The following PIK3R3 variants were observed in gnomAD, a reference collection of about 807,000 sequenced individuals.
PIK3R3 encodes phosphoinositide-3-kinase regulatory subunit 3.
A neutral mutation model predicts 62.9 loss-of-function variants in PIK3R3; 64 were observed. The observed-to-expected ratio is 1.02, with a 90% confidence interval of 0.83 to 1.25. The LOEUF is 1.25. Among genes scored for constraint, PIK3R3 ranks in the 50% most tolerant of loss-of-function variants. PIK3R3 has a pLI of 0.00. For missense variants in PIK3R3, 614 were observed against 561.6 expected, an observed-to-expected ratio of 1.09 and a Z score of -0.94; for synonymous variants, 165 against 189.0, an observed-to-expected ratio of 0.87 and a Z score of 1.04.
chr1:46,107,122 A>G lies in PIK3R3; in HGVS notation c.106+24725T>C, dbSNP rs142435753. Among the ~76,000 whole-genome samples, 518 of 152,232 alleles carry G rather than the reference A, an allele frequency of 3.4e-3. 3 individuals carry two copies. The highest frequency in any genetic ancestry group is 0.012 in the African/African-American group (481 of 41,570). On this transcript the variant is annotated intron_variant, in intron 1 of 9. Coordinates refer to ENST00000262741, the MANE Select transcript of PIK3R3 (RefSeq NM_003629.4). ...TGTAATCTCAACACTTTGGGAGGCC[A>G]AGGCGAGTGGATCACTTGAGGTCAG...
At chr1:46,049,134 C>G (rs1460216824) in intron 7 of PIK3R3, among the ~76,000 whole-genome samples, 1 of 150,512 alleles carries the variant, frequency 6.6e-6, no homozygotes, top group Non-Finnish European at 1.5e-5. Flanking sequence ...GGTCTTGGAC[C>G]CATCTCTCTT....
At chr1:46,158,610 A>G in the PIK3R3 span, among the ~76,000 whole-genome samples, 2 of 152,258 alleles carry the variant, frequency 1.3e-5, no homozygotes, top group African/African-American at 4.8e-5. Context: ...AGAAAGTCCT[A>G]CAACCTAGTG....
At chr1:46,050,979 G>T (rs1647293860) in intron 7 of PIK3R3, among the ~76,000 whole-genome samples, 1 of 152,172 alleles carries the variant, frequency 6.6e-6, no homozygotes, top group African/African-American at 2.4e-5. Context: ...TCATTCATAT[G>T]AAATGTCCAG....
intron 7 of PIK3R3, among the ~76,000 whole-genome samples, chr1:46,051,381 C>A (rs898734751): frequency 6.6e-6 from 1 of 152,122 alleles, no homozygotes; most frequent in Non-Finnish European, 1.5e-5. Flanking sequence ...CTGCCTCAGG[C>A]TTCCCACTAG....
chr1:46,132,549 C>G lies in PIK3R3; in HGVS notation c.-597G>C. 1 of 1,271,802 alleles carries G rather than the reference C, an allele frequency of 7.9e-7. No individual in the cohort carries two copies. Among genetic ancestry groups the G allele is most frequent in the African/African-American group, 1.5e-5 (1 of 65,564 alleles). The allele number at this position is 1,271,802 out of a possible 1,614,324, so 78.8% of individuals were successfully genotyped here. A position where few individuals can be genotyped will look rare whatever the true frequency, so the allele number is the denominator to read the frequency against. On this transcript the variant is annotated 5_prime_UTR_variant, in exon 1 of 10. Transcript: ENST00000262741. ...GGGAATGGGGCCGGCCGGAGAAGTC[C>G]AGTCAGCTCGGCTTGTCTGGGCGCT...
At chr1:46,143,986 C>CTT in the PIK3R3 span, among the ~76,000 whole-genome samples, 1 of 152,186 alleles carries the variant, frequency 6.6e-6, no homozygotes, top group Non-Finnish European at 1.5e-5. Flanking sequence ...GTAGTGGATA[C>CTT]TTTTTAGTAC....
intron 1 of PIK3R3, among the ~76,000 whole-genome samples, chr1:46,108,978 T>G (rs1469802884): frequency 6.6e-6 from 1 of 152,126 alleles, no homozygotes; most frequent in African/African-American, 2.4e-5. Context: ...GCTAACACGG[T>G]GAAACCGTGT....
At chr1:46,115,873 A>G (rs1654142883) in intron 1 of PIK3R3, among the ~76,000 whole-genome samples, 1 of 152,204 alleles carries the variant, frequency 6.6e-6, no homozygotes, top group African/African-American at 2.4e-5. Flanking sequence ...CAGAATAATG[A>G]CACGGGCAAA....
At chr1:46,090,778 T>C (rs982966459) in intron 1 of PIK3R3, among the ~76,000 whole-genome samples, 5 of 152,256 alleles carry the variant, frequency 3.3e-5, no homozygotes, top group Non-Finnish European at 7.3e-5. Flanking sequence ...ATTTATATAA[T>C]GGAAATACTG....
At chr1:46,084,244 G>C (rs752869645) in intron 1 of PIK3R3, among the ~76,000 whole-genome samples, 1 of 152,126 alleles carries the variant, frequency 6.6e-6, no homozygotes, top group African/African-American at 2.4e-5. Flanking sequence ...TGGTTGGCTA[G>C]GGCTGGGGAG....
At chr1:46,092,168 T>G (rs1378481243) in intron 1 of PIK3R3, among the ~76,000 whole-genome samples, 1 of 152,218 alleles carries the variant, frequency 6.6e-6, no homozygotes, top group Admixed American at 6.5e-5. Flanking sequence ...TTTTGAAGTA[T>G]TTTTTAATCA....
chr1:46,064,975 C>T (rs538054710), intron 5 of PIK3R3, among the ~76,000 whole-genome samples: 1 of 152,222 alleles, frequency 6.6e-6, no homozygotes, highest in South Asian at 2.1e-4. Context: ...TTGTTATCTA[C>T]TAGAAAGAGC....
the PIK3R3 span, among the ~76,000 whole-genome samples, chr1:46,172,646 G>A: frequency 6.6e-6 from 1 of 152,122 alleles, no homozygotes; most frequent in Non-Finnish European, 1.5e-5. Context: ...GCTAAGGTCA[G>A]GTCACTGCAC....
upstream of PIK3R3, among the ~76,000 whole-genome samples, chr1:46,136,029 CAAAAAAAAAA>C (rs552872602): frequency 6.9e-5 from 3 of 43,290 alleles, no homozygotes; most frequent in Non-Finnish European, 1.0e-4. Flanking sequence ...GACTCAGTCT[CAAAAAAAAAA>C]AAAAAAAAAG....
At chr1:46,078,904 T>C (rs896393090) in intron 2 of PIK3R3, among the ~76,000 whole-genome samples, 2 of 152,170 alleles carry the variant, frequency 1.3e-5, no homozygotes, top group Non-Finnish European at 2.9e-5. Flanking sequence ...ATTACACTTA[T>C]GCAAAGTACC....
the PIK3R3 span, among the ~76,000 whole-genome samples, chr1:46,164,476 TA>T: frequency 1.3e-5 from 2 of 152,164 alleles, no homozygotes; most frequent in Non-Finnish European, 2.9e-5. Flanking sequence ...ACAGGGAGCT[TA>T]TCTCCTGCTT....
chr1:46,158,276 T>C, the PIK3R3 span, among the ~76,000 whole-genome samples: 2 of 152,250 alleles, frequency 1.3e-5, no homozygotes, highest in African/African-American at 4.8e-5. Context: ...CCTAACTTAA[T>C]TAACTCACTT....
rs1411785601 is a variant in PIK3R3, at chr1:46,041,146, A to C, written c.*2527T>G. On this transcript the variant is annotated 3_prime_UTR_variant, in exon 10 of 10. Coordinates refer to ENST00000262741, the MANE Select transcript of PIK3R3 (RefSeq NM_003629.4). Reference sequence around the variant, plus strand: ...GGACAGGACATGGCACTAGACTCTCATGAAGGAGGCCAAGACCTGCTCCCA... The same window carrying C: ...GGACAGGACATGGCACTAGACTCTCCTGAAGGAGGCCAAGACCTGCTCCCA... 6.5e-6 allele frequency: 1 copy of C among 154,260 alleles called. No individual in the cohort carries two copies. The highest frequency in any genetic ancestry group is 1.4e-5 in the Non-Finnish European group (1 of 69,296). 9.6% of individuals were successfully genotyped at this position (154,260 alleles called of 1,614,324 possible). A position where few individuals can be genotyped will look rare whatever the true frequency, so the allele number is the denominator to read the frequency against.
the PIK3R3 span, among the ~76,000 whole-genome samples, chr1:46,155,922 C>T: frequency 1.3e-5 from 2 of 152,084 alleles, no homozygotes; most frequent in African/African-American, 4.8e-5. Context: ...TCTGTGGAGG[C>T]CTGGCAGATC....
Sources: allele counts gnomAD v4.1 joint callset (sites outside exome capture counted in the v4.1 genomes callset), GRCh38; gene constraint gnomAD v4.1.1; transcripts MANE v1.5; gene names NCBI Gene and HGNC (gene_info 2026-07-23, HGNC 2026-07-21).